Variants in LMO7 observed in about 807,000 individuals in gnomAD.
The protein encoded by LMO7 is LIM domain only protein 7.
In LMO7, 120 loss-of-function variants were observed where a neutral mutation model predicts 206.5. That is an observed-to-expected ratio of 0.58 (90% CI 0.50 to 0.68). The LOEUF (loss-of-function observed/expected upper bound fraction) is 0.68, where lower values mean the gene tolerates loss of function less well. Ranked by LOEUF, LMO7 falls within the 30% of genes least tolerant of loss-of-function variation. The pLI is 0.00. For synonymous variants in LMO7, 706 were observed against 681.5 expected (o/e 1.04, Z -0.56); for missense variants, 1,959 against 1,957.9 (o/e 1.00, Z -0.01).
At chr13:75,735,189 C>A (rs1346255673) in intron 3 of LMO7, among the ~76,000 whole-genome samples, 1 of 151,288 alleles carries the variant, frequency 6.6e-6, no homozygotes, top group Non-Finnish European at 1.5e-5. Context: ...TATTTCTACC[C>A]AAGTTTTATC....
chr13:75,737,007 C>T (rs926825240), intron 3 of LMO7, among the ~76,000 whole-genome samples: 1 of 152,132 alleles, frequency 6.6e-6, no homozygotes, highest in East Asian at 1.9e-4. Flanking sequence ...ATTGTTCCCC[C>T]CAACCCCAAA....
chr13:75,831,278 C>T (rs376897372), intron 15 of LMO7, among the ~76,000 whole-genome samples: 63 of 152,140 alleles, frequency 4.1e-4, no homozygotes, highest in Middle Eastern at 3.4e-3. Context: ...TTTTTGAGAG[C>T]GAGAATCATC....
chr13:75,798,604 G>T (rs1209547569), intron 6 of LMO7, among the ~76,000 whole-genome samples: 3 of 152,204 alleles, frequency 2.0e-5, no homozygotes, highest in Non-Finnish European at 2.9e-5. Context: ...GGGGGTAGCT[G>T]TTAGAGGTAT....
intron 1 of LMO7, among the ~76,000 whole-genome samples, chr13:75,684,643 G>A (rs950662713): frequency 1.2e-4 from 18 of 151,748 alleles, no homozygotes; most frequent in Admixed American, 1.1e-3. Flanking sequence ...GGTAAATAGG[G>A]TTAAATAGAA....
chr13:75,725,568 T>C (rs1162308057), intron 2 of LMO7, among the ~76,000 whole-genome samples: 1 of 152,084 alleles, frequency 6.6e-6, no homozygotes, highest in Non-Finnish European at 1.5e-5. Flanking sequence ...TAATTTGCAA[T>C]TGTTATTTCT....
At chr13:75,826,621 A>G (rs2058137477) in intron 15 of LMO7, among the ~76,000 whole-genome samples, 1 of 152,176 alleles carries the variant, frequency 6.6e-6, no homozygotes, top group Non-Finnish European at 1.5e-5. Flanking sequence ...TGTGCCAACC[A>G]GGCTTCTCAG....
At chr13:75,769,078 T>G (rs2049282430) in intron 4 of LMO7, among the ~76,000 whole-genome samples, 1 of 152,156 alleles carries the variant, frequency 6.6e-6, no homozygotes, top group Non-Finnish European at 1.5e-5. Flanking sequence ...AGTATAATAT[T>G]ATGTCAAAAT....
intron 3 of LMO7, among the ~76,000 whole-genome samples, chr13:75,749,921 T>C (rs1329363031): frequency 1.3e-5 from 2 of 152,110 alleles, no homozygotes; most frequent in South Asian, 2.1e-4. Flanking sequence ...CAAATAACTA[T>C]TGACGTTGGA....
At chr13:75,760,248 C>A (rs749171043) in intron 3 of LMO7, 18 of 538,712 alleles carry the variant, frequency 3.3e-5, no homozygotes, top group Non-Finnish European at 3.6e-5. Flanking sequence ...TGAGGGCAAC[C>A]TTGGAGGGAG....
At chr13:75,633,504 A>G (rs1339140804), upstream of LMO7, among the ~76,000 whole-genome samples, 1 of 152,254 alleles carries the variant, frequency 6.6e-6, no homozygotes, top group Non-Finnish European at 1.5e-5. Flanking sequence ...GCTAACTTCC[A>G]GAGCACAGGA....
chr13:75,711,346 A>T (rs920219041), intron 1 of LMO7, among the ~76,000 whole-genome samples: 2 of 152,032 alleles, frequency 1.3e-5, no homozygotes, highest in Non-Finnish European at 2.9e-5. Context: ...CTCTTTTTCT[A>T]TTGATTAGAA....
At chr13:75,622,891 C>A (rs1255148046) in intron 1 of LMO7, among the ~76,000 whole-genome samples, 1 of 152,090 alleles carries the variant, frequency 6.6e-6, no homozygotes, top group Non-Finnish European at 1.5e-5. Flanking sequence ...AACAAAATAC[C>A]TCTTTGGCAA....
intron 4 of LMO7, among the ~76,000 whole-genome samples, chr13:75,792,755 G>C (rs1008930993): frequency 1.3e-5 from 2 of 152,206 alleles, no homozygotes; most frequent in Admixed American, 6.5e-5. Context: ...TTGACTACTT[G>C]AATTCCTGGC....
At chr13:75,637,010 C>A (rs988448309) in intron 1 of LMO7, among the ~76,000 whole-genome samples, 2 of 152,190 alleles carry the variant, frequency 1.3e-5, no homozygotes, top group Non-Finnish European at 2.9e-5. Flanking sequence ...TCGCGCGTCC[C>A]GGAGGAGCAG....
chr13:75,812,908 G>A (rs2056567093), intron 11 of LMO7, among the ~76,000 whole-genome samples: 1 of 152,188 alleles, frequency 6.6e-6, no homozygotes, highest in Non-Finnish European at 1.5e-5. Context: ...CAACATACTA[G>A]AGCTGTGCAA....
At chr13:75,622,063 CT>C (rs2033371624) in intron 1 of LMO7, among the ~76,000 whole-genome samples, 1 of 151,956 alleles carries the variant, frequency 6.6e-6, no homozygotes, top group Non-Finnish European at 1.5e-5. Flanking sequence ...TGTTTTTTCT[CT>C]TTTTTCTTTT....
chr13:75,770,178 A>T (rs1374989214), intron 4 of LMO7, among the ~76,000 whole-genome samples: 1 of 146,488 alleles, frequency 6.8e-6, no homozygotes, highest in African/African-American at 2.5e-5. Context: ...TTGGTGATGA[A>T]TTTTTTTTTT....
At chr13:75,753,704 A>C (rs1285842447) in intron 3 of LMO7, among the ~76,000 whole-genome samples, 1 of 152,154 alleles carries the variant, frequency 6.6e-6, no homozygotes, top group Non-Finnish European at 1.5e-5. Flanking sequence ...TCCTTCTGCC[A>C]TGTGAAGAAG....
At chr13:75,642,028 A>G (rs2036588095) in intron 1 of LMO7, among the ~76,000 whole-genome samples, 1 of 152,154 alleles carries the variant, frequency 6.6e-6, no homozygotes, top group East Asian at 1.9e-4. Flanking sequence ...GAAATAAGAA[A>G]GGATCCTAGA....
Sources: gnomAD v4.1 joint callset for allele counts (sites outside exome capture counted in the v4.1 genomes callset) on GRCh38, gnomAD v4.1.1 for gene constraint, MANE v1.5 for transcripts, NCBI Gene and HGNC (gene_info 2026-07-23, HGNC 2026-07-21) for gene names.